Variants in ARHGEF4 observed in about 807,000 individuals in gnomAD.
The protein encoded by ARHGEF4 is Rho guanine nucleotide exchange factor 4.
In ARHGEF4, 119 loss-of-function variants were observed where a neutral mutation model predicts 162.0. The observed-to-expected ratio is 0.73, with a 90% CI of 0.63 to 0.86. The LOEUF is 0.86. ARHGEF4 is among the 40% of genes least tolerant of loss of function. ARHGEF4 has a pLI of 0.00. For missense variants in ARHGEF4, 2,488 were observed against 2,456.0 expected (o/e 1.01, Z -0.28); for synonymous variants, 1,014 against 979.9 (o/e 1.03, Z -0.65).
At chr2:130,972,375 A>G (rs1300226252) in intron 4 of ARHGEF4, among the ~76,000 whole-genome samples, 1 of 152,240 alleles carries the variant, frequency 6.6e-6, no homozygotes, top group Non-Finnish European at 1.5e-5. Flanking sequence ...CAGAAAATAG[A>G]ACATTAAAAT....
intron 1 of ARHGEF4, among the ~76,000 whole-genome samples, chr2:130,893,100 T>TGG (rs1679953695): frequency 6.6e-6 from 1 of 152,216 alleles, no homozygotes; most frequent in African/African-American, 2.4e-5. Flanking sequence ...TCACCTTTCC[T>TGG]GGTCATTCCC....
chr2:130,916,472 T>G lies in ARHGEF4; in HGVS notation c.2526T>G (p.Gly842=), dbSNP rs1003432834. Residue 842 remains glycine (G), a synonymous_variant, in exon 2 of 14, where the codon GGT becomes GGG. Coordinates refer to ENST00000409359, the MANE Select transcript of ARHGEF4 (RefSeq NM_001367493.1). The stretch of plus-strand genomic sequence containing the variant: ...GGGAGAATCCGCCCGCTGCGGCCGG[T>G]CGGGACGCACCGCCTCTGCACCACG... ...LPRENPPAAA[G]RDAPPLHHGD... 3.2e-6 allele frequency: 5 copies of G among 1,544,306 alleles called. No individual in the cohort carries two copies. The Admixed American group carries it at 5.9e-5, about 18-fold the overall frequency.
Position 130,914,092 on chromosome 2 carries a change from A to C in ARHGEF4, c.146A>C (p.Asp49Ala). 2 of 1,536,062 alleles carry C rather than the reference A, an allele frequency of 1.3e-6. No homozygotes were observed. Among genetic ancestry groups the C allele is most frequent in the Non-Finnish European group, 1.7e-6 (2 of 1,146,908 alleles). The change falls in exon 2 of 14, where the codon GAC (aspartate) becomes GCC (alanine). Residue 49 changes from aspartate to alanine, a missense_variant. Physicochemically the swap from Asp to Ala is moderately radical, Grantham distance 126 (BLOSUM62 -2). Transcript: ENST00000409359. ...GAGCAGGGATGGAACCAGCAAACAG[A>C]CCGCGATGATTCTGAAACGCTGTCC... ...QVEQGWNQQT[D>A]RDDSETLSQQ...
rs1417295170 is a variant in ARHGEF4, at chr2:130,916,354, G to T, written c.2408G>T (p.Gly803Val). 1.9e-6 allele frequency: 3 copies of T among 1,542,302 alleles called. No individual in the cohort carries two copies. Among genetic ancestry groups the T allele is most frequent in the African/African-American group, 2.8e-5 (2 of 72,550 alleles). ...TCCAAGGTGACCTCCTTCAGGAAGG[G>T]CAGGCCCTTGGCCACTGAGAGCCCA... is the stretch of plus-strand genomic sequence containing the variant. ...TFSKVTSFRK[G>V]RPLATESPGG... The change falls in exon 2 of 14, where the codon GGC becomes GTC. Residue 803 changes from glycine to valine, a missense_variant. Gly to Val is a moderately radical substitution (Grantham distance 109). Coordinates refer to ENST00000409359, the MANE Select transcript of ARHGEF4 (RefSeq NM_001367493.1).
chr2:130,946,778 C>T, intron 4 of ARHGEF4, 143 bp downstream of exon 4: 2 of 1,214,574 alleles, frequency 1.6e-6, no homozygotes, highest in Middle Eastern at 3.0e-4. Context: ...CCTCTTCCTT[C>T]AGTTAGGGAG....
intron 4 of ARHGEF4, among the ~76,000 whole-genome samples, chr2:130,996,395 G>C (rs1449426861): frequency 6.6e-6 from 1 of 152,178 alleles, no homozygotes; most frequent in Non-Finnish European, 1.5e-5. Flanking sequence ...TTCTCCACTA[G>C]TGAATTTTTT....
rs1346700566 is a variant in ARHGEF4 at position 130,916,670 on chromosome 2, G to T, written c.2724G>T (p.Arg908Ser). 17 of 1,550,498 alleles carry T rather than the reference G, an allele frequency of 1.1e-5. No individual in the cohort carries two copies. Among genetic ancestry groups the T allele is most frequent in the African/African-American group, 1.4e-5 (1 of 73,046 alleles). ...CAACGGAGAAAAAACTCAGGGCAAGGTTGGCCTTGGCTCATAAGACCTTTT... is the reference window on the plus strand; with the variant it reads ...CAACGGAGAAAAAACTCAGGGCAAGTTTGGCCTTGGCTCATAAGACCTTTT... ...LKTTEKKLRA[R>S]LALAHKTFSN... The change falls in exon 2 of 14, where the codon AGG becomes AGT. Residue 908 changes from arginine (R) to serine (S), a missense_variant. Transcript: ENST00000409359.
At chr2:130,986,851 A>G (rs998829358) in intron 4 of ARHGEF4, among the ~76,000 whole-genome samples, 1 of 152,196 alleles carries the variant, frequency 6.6e-6, no homozygotes, top group African/African-American at 2.4e-5. Context: ...TTGGCAGGAC[A>G]TTAGCAGGCT....
chr2:130,961,517 G>C (rs762934587), intron 4 of ARHGEF4, among the ~76,000 whole-genome samples: 1 of 152,258 alleles, frequency 6.6e-6, no homozygotes, highest in African/African-American at 2.4e-5. Context: ...GACAGGAGGA[G>C]GAAGAGAAAT....
chr2:130,867,936 CTT>C (rs1156618796), intron 1 of ARHGEF4, among the ~76,000 whole-genome samples: 15 of 119,898 alleles, frequency 1.3e-4, no homozygotes, highest in African/African-American at 1.3e-4. Flanking sequence ...TTTTTTTTTT[CTT>C]TTTTTTTTTT....
intron 1 of ARHGEF4, among the ~76,000 whole-genome samples, chr2:130,865,611 G>A (rs1333421787): frequency 2.6e-5 from 4 of 152,176 alleles, no homozygotes; most frequent in African/African-American, 4.8e-5. Context: ...GACCCCCTGC[G>A]GTGCTGTCGA....
At chr2:131,001,462 T>A (rs190038586) in intron 4 of ARHGEF4, among the ~76,000 whole-genome samples, 1 of 152,200 alleles carries the variant, frequency 6.6e-6, no homozygotes, top group East Asian at 1.9e-4. Flanking sequence ...TAACTGCCAA[T>A]CGAGAAGCAA....
intron 12 of ARHGEF4, 152 bp from the exon 13 acceptor site, chr2:131,045,217 A>G (rs1020121889): frequency 2.8e-6 from 2 of 721,926 alleles, no homozygotes; most frequent in East Asian, 2.8e-5. Flanking sequence ...AGGCAGGCTG[A>G]CTGTGCAGAA....
At position 130,954,756 on chromosome 2, in the gene ARHGEF4, G is replaced by C. The variant is rs13418569; in HGVS notation, c.3985+8121G>C. Reference sequence around the variant, plus strand: ...TCAGCATTTTTACTATGATGTGTCTGTCTGTGGATCTCTGGAATTATTTTA... The same window carrying C: ...TCAGCATTTTTACTATGATGTGTCTCTCTGTGGATCTCTGGAATTATTTTA... On this transcript the variant is annotated intron_variant, in intron 4 of 13. Transcript: ENST00000409359. Among the ~76,000 whole-genome samples the C allele has an allele frequency of 6.0e-3, 920 of 152,216 alleles. 8 individuals are homozygous for C. The highest frequency in any genetic ancestry group is 0.021 in the African/African-American group (888 of 41,522).
chr2:130,866,119 C>A (rs577209515), intron 1 of ARHGEF4, among the ~76,000 whole-genome samples: 1 of 152,194 alleles, frequency 6.6e-6, no homozygotes, highest in South Asian at 2.1e-4. Context: ...ACCTGTAATC[C>A]CAGTACTTTG....
chr2:131,003,466 G>A (rs574818740), intron 4 of ARHGEF4, among the ~76,000 whole-genome samples: 1 of 152,268 alleles, frequency 6.6e-6, no homozygotes, highest in African/African-American at 2.4e-5. Context: ...TCTGGCCAAG[G>A]CAGAGACCCT....
intron 1 of ARHGEF4, among the ~76,000 whole-genome samples, chr2:130,907,813 A>G (rs1680924933): frequency 6.6e-6 from 1 of 151,836 alleles, no homozygotes; most frequent in South Asian, 2.1e-4. Flanking sequence ...AAAATTAGCC[A>G]GGCGTGGTGG....
chr2:131,043,789 G>A (rs910962797), intron 11 of ARHGEF4: 2 of 629,674 alleles, frequency 3.2e-6, no homozygotes, highest in Non-Finnish European at 5.4e-6. Context: ...GTCTGACCAG[G>A]CCGGGTGCTG....
chr2:131,041,486 G>A, intron 9 of ARHGEF4, 24 bp downstream of exon 9: 1 of 1,598,338 alleles, frequency 6.3e-7, no homozygotes, highest in Non-Finnish European at 8.5e-7. Context: ...GAGGCAGGGA[G>A]GCAGCCCACG....
Sources: gnomAD v4.1 joint callset for allele counts (sites outside exome capture counted in the v4.1 genomes callset) on GRCh38, gnomAD v4.1.1 for gene constraint, MANE v1.5 for transcripts, NCBI Gene and HGNC (gene_info 2026-07-23, HGNC 2026-07-21) for gene names.